Variants in PLPPR1 observed in about 807,000 individuals in gnomAD.
PLPPR1 encodes phospholipid phosphatase related 1.
In PLPPR1, 10 loss-of-function variants were observed where a neutral mutation model predicts 33.1. The observed-to-expected ratio is 0.30, with a 90% confidence interval of 0.19 to 0.51. The LOEUF is 0.51. Among genes scored for constraint, PLPPR1 ranks in the 20% least tolerant of loss-of-function variants. The pLI, the probability that PLPPR1 is intolerant of heterozygous loss-of-function variation, is 0.97. For synonymous variants in PLPPR1, 151 were observed against 151.0 expected (o/e 1.00, Z 0.00); for missense variants, 304 against 408.1 (o/e 0.74, Z 2.20).
chr9:101,281,689 A>C (rs2118910101), intron 3 of PLPPR1, among the ~76,000 whole-genome samples: 1 of 152,178 alleles, frequency 6.6e-6, no homozygotes, highest in South Asian at 2.1e-4. Flanking sequence ...AAATTGATAA[A>C]CCTTTAGACA....
chr9:101,279,008 A>G (rs1394948290), intron 3 of PLPPR1, among the ~76,000 whole-genome samples: 2 of 152,224 alleles, frequency 1.3e-5, no homozygotes. Flanking sequence ...AAATGTGTAT[A>G]TCTCAATACG....
intron 2 of PLPPR1, among the ~76,000 whole-genome samples, chr9:101,253,242 A>T (rs981345934): frequency 4.0e-5 from 6 of 151,644 alleles, no homozygotes; most frequent in African/African-American, 1.2e-4. Context: ...TTTTAATTTG[A>T]TAAAAGACGA....
intron 3 of PLPPR1, among the ~76,000 whole-genome samples, chr9:101,270,713 TCTGTGTTAC>T (rs1288963105): frequency 6.6e-6 from 1 of 152,244 alleles, no homozygotes; most frequent in African/African-American, 2.4e-5. Flanking sequence ...AGTTTGCAGA[TCTGTGTTAC>T]CTGGTCAAGT....
At chr9:101,132,343 G>GCT (rs888650643) in intron 1 of PLPPR1, among the ~76,000 whole-genome samples, 2 of 152,072 alleles carry the variant, frequency 1.3e-5, no homozygotes, top group African/African-American at 4.8e-5. Flanking sequence ...AAAGAAATAA[G>GCT]CTATCAAGCC....
chr9:101,287,032 T>G (rs1463677396), intron 4 of PLPPR1, among the ~76,000 whole-genome samples: 1 of 152,220 alleles, frequency 6.6e-6, no homozygotes, highest in African/African-American at 2.4e-5. Context: ...AGCCTTTTGG[T>G]AATCCTTAAT....
chr9:101,278,345 T>A (rs1828234267), intron 3 of PLPPR1, among the ~76,000 whole-genome samples: 1 of 152,198 alleles, frequency 6.6e-6, no homozygotes, highest in African/African-American at 2.4e-5. Context: ...GGTGGAATAG[T>A]GCTATCCAGT....
chr9:101,137,259 A>G (rs2771070), intron 1 of PLPPR1, among the ~76,000 whole-genome samples: 113,531 of 152,042 alleles, frequency 0.75, 42,785 homozygotes, highest in African/African-American at 0.8. Context: ...CACTGGGCTT[A>G]GAAATATGTA....
intron 2 of PLPPR1, among the ~76,000 whole-genome samples, chr9:101,266,991 A>G (rs970883476): frequency 6.6e-6 from 1 of 152,152 alleles, no homozygotes; most frequent in Non-Finnish European, 1.5e-5. Context: ...GATCTTGCCT[A>G]TTCCCATTCA....
chr9:101,203,176 C>T (rs766255900), intron 2 of PLPPR1, among the ~76,000 whole-genome samples: 8 of 152,180 alleles, frequency 5.3e-5, no homozygotes, highest in Non-Finnish European at 8.8e-5. Flanking sequence ...TTTCTTCAGA[C>T]ACAGTATTCT....
intron 1 of PLPPR1, among the ~76,000 whole-genome samples, chr9:101,101,258 C>A (rs1170289262): frequency 6.6e-6 from 1 of 152,080 alleles, no homozygotes; most frequent in African/African-American, 2.4e-5. Flanking sequence ...CCAGTGATGA[C>A]TTACATATCA....
chr9:101,048,469 A>T (rs73491905), intron 1 of PLPPR1, among the ~76,000 whole-genome samples: 3,159 of 152,282 alleles, frequency 0.021, 112 homozygotes, highest in African/African-American at 0.072. Context: ...TGAGTCTCTT[A>T]TATATTCCTA....
chr9:101,208,994 C>G (rs1826636820), intron 2 of PLPPR1, among the ~76,000 whole-genome samples: 1 of 152,130 alleles, frequency 6.6e-6, no homozygotes, highest in African/African-American at 2.4e-5. Context: ...CTACCCTCAG[C>G]TCAGAAACTA....
intron 1 of PLPPR1, among the ~76,000 whole-genome samples, chr9:101,039,817 AT>A (rs1830054565): frequency 6.6e-6 from 1 of 151,916 alleles, no homozygotes; most frequent in South Asian, 2.1e-4. Flanking sequence ...CCACCCCATA[AT>A]TTAGTCACCT....
Position 101,312,864 on chromosome 9 carries a change from ACT to A in PLPPR1, c.708_709del (p.Cys237HisfsTer12). 1 of 1,613,958 alleles carries A rather than the reference ACT, an allele frequency of 6.2e-7. No homozygotes were observed. The highest frequency in any genetic ancestry group is 8.5e-7 in the Non-Finnish European group (1 of 1,179,960). ...GGCCAAGCCGGTGCTGTGCCTCGGA[ACT>A]CTCTGCACAGCCTTCCTGACAGGCC... is the stretch of plus-strand genomic sequence containing the variant. ...RLAKPVLCLGTLCTAFLTGLN... is the reference protein window; with the variant it reads ...RLAKPVLCLGXLCTAFLTGLN... On this transcript the variant is annotated frameshift_variant, in exon 6 of 8. Transcript: ENST00000374874. LOFTEE classifies it high-confidence loss of function.
intron 1 of PLPPR1, among the ~76,000 whole-genome samples, chr9:101,137,277 G>A (rs1588043148): frequency 1.3e-5 from 2 of 152,204 alleles, no homozygotes; most frequent in South Asian, 4.1e-4. Flanking sequence ...GTAAAGGCAA[G>A]AGAAGCAACT....
chr9:101,305,125 A>G (rs1828833367), intron 4 of PLPPR1, among the ~76,000 whole-genome samples: 1 of 152,090 alleles, frequency 6.6e-6, no homozygotes, highest in Admixed American at 6.5e-5. Context: ...AAAGAAAGAA[A>G]GCCTTTCCCT....
intron 2 of PLPPR1, among the ~76,000 whole-genome samples, chr9:101,230,645 A>G (rs1357134559): frequency 2.0e-5 from 3 of 152,072 alleles, no homozygotes; most frequent in Non-Finnish European, 4.4e-5. Flanking sequence ...AGGTCCACCT[A>G]AGTCTCTAAC....
At chr9:101,190,043 T>C (rs923511718) in intron 2 of PLPPR1, among the ~76,000 whole-genome samples, 1 of 152,132 alleles carries the variant, frequency 6.6e-6, no homozygotes, top group East Asian at 1.9e-4. Flanking sequence ...AGTATCACTT[T>C]GGAGGAATTT....
intron 6 of PLPPR1, among the ~76,000 whole-genome samples, chr9:101,316,703 G>T (rs975050941): frequency 6.6e-6 from 1 of 150,842 alleles, no homozygotes; most frequent in African/African-American, 2.4e-5. Flanking sequence ...GTAACTTACA[G>T]GGAAAGTTTT....
Sources: gnomAD v4.1 joint callset for allele counts (sites outside exome capture counted in the v4.1 genomes callset) on GRCh38, gnomAD v4.1.1 for gene constraint, MANE v1.5 for transcripts, NCBI Gene and HGNC (gene_info 2026-07-23, HGNC 2026-07-21) for gene names.